The following KSR2 variants were observed in gnomAD, a reference collection of about 807,000 sequenced individuals.
KSR2 encodes kinase suppressor of ras 2.
A neutral mutation model predicts 107.8 loss-of-function variants in KSR2; 25 were observed. That is an observed-to-expected ratio of 0.23 (90% CI 0.17 to 0.32). The LOEUF is 0.32. KSR2 is among the 10% of genes least tolerant of loss of function. The pLI, the probability that KSR2 is intolerant of heterozygous loss-of-function variation, is 1.00. For synonymous variants in KSR2, 480 were observed against 507.0 expected, an observed-to-expected ratio of 0.95 and a Z score of 0.71; for missense variants, 887 against 1,268.9, an observed-to-expected ratio of 0.70 and a Z score of 4.57.
chr12:117,525,206 T>C lies in KSR2; in HGVS notation c.1865A>G (p.His622Arg), dbSNP rs1323589523. The change falls in exon 14 of 20, where the codon CAT (histidine) becomes CGT (arginine). Residue 622 changes from histidine to arginine, a missense_variant. Physicochemically the swap from His to Arg is conservative, Grantham distance 29 (BLOSUM62 0). Coordinates refer to ENST00000339824, the MANE Select transcript of KSR2 (RefSeq NM_173598.6). ...VEPTSENEEV[H>R]DEAEESEDDF... ...ATCCTCTGACTCTTCGGCCTCATCA[T>C]GGACCTCTTCATTCTGTGGCCGGAG... The C allele has an allele frequency of 4.4e-6, 7 of 1,602,996 alleles. No individual in the cohort carries two copies. The highest frequency in any genetic ancestry group is 2.7e-5 in the African/African-American group (2 of 74,778).
At chr12:117,471,845 T>C (rs1871477085) in intron 17 of KSR2, among the ~76,000 whole-genome samples, 1 of 152,160 alleles carries the variant, frequency 6.6e-6, no homozygotes, top group Non-Finnish European at 1.5e-5. Flanking sequence ...GATATGAGAC[T>C]GTATGTAGGA....
At chr12:117,745,875 G>T (rs1344460801) in intron 4 of KSR2, among the ~76,000 whole-genome samples, 1 of 151,986 alleles carries the variant, frequency 6.6e-6, no homozygotes, top group Non-Finnish European at 1.5e-5. Context: ...AACTTACAAG[G>T]GATGTGAAGG....
intron 14 of KSR2, among the ~76,000 whole-genome samples, chr12:117,490,925 C>T (rs1041783634): frequency 1.2e-4 from 19 of 152,202 alleles, no homozygotes; most frequent in Non-Finnish European, 2.5e-4. Context: ...TTTTTGTGTG[C>T]GGTGAGAACA....
At chr12:117,928,031 T>C (rs919380077) in intron 1 of KSR2, among the ~76,000 whole-genome samples, 1 of 152,106 alleles carries the variant, frequency 6.6e-6, no homozygotes, top group African/African-American at 2.4e-5. Context: ...CCGTTCTACT[T>C]TCTGTCTCTG....
Position 117,860,339 on chromosome 12 carries a change from C to G in KSR2, c.273G>C (p.Gln91His). Reference protein sequence around the residue: ...ERNAELDGFPQLRHWFRIVDV... With the variant: ...ERNAELDGFPHLRHWFRIVDV... ...CGACGATTCGGAACCAGTGCCGTAG[C>G]TGGGGGAAGCCGTCCAGCTCCGCGT... Residue 91 changes from glutamine to histidine, a missense_variant, in exon 2 of 20, where the codon CAG (glutamine) becomes CAC (histidine). By Grantham distance (24) the Gln-to-His change is conservative (BLOSUM62 0). Transcript: ENST00000339824. 2 of 1,613,874 alleles carry G rather than the reference C, an allele frequency of 1.2e-6. No homozygotes were observed. Among genetic ancestry groups the G allele is most frequent in the Non-Finnish European group, 1.7e-6 (2 of 1,179,820 alleles).
intron 3 of KSR2, among the ~76,000 whole-genome samples, chr12:117,826,794 A>T (rs1351701687): frequency 6.6e-6 from 1 of 152,048 alleles, no homozygotes; most frequent in Non-Finnish European, 1.5e-5. Context: ...TTGTTTCAAC[A>T]TCATGGACAG....
intron 4 of KSR2, among the ~76,000 whole-genome samples, chr12:117,724,366 A>AATAAGT (rs1307431966): frequency 6.6e-6 from 1 of 152,098 alleles, no homozygotes; most frequent in Non-Finnish European, 1.5e-5. Context: ...TATACCTAAA[A>AATAAGT]ATAAGTAGCA....
chr12:117,580,839 G>A (rs1427741668), intron 6 of KSR2, among the ~76,000 whole-genome samples: 1 of 151,940 alleles, frequency 6.6e-6, no homozygotes, highest in South Asian at 2.1e-4. Flanking sequence ...AGCTGAGCCA[G>A]AGGAGTGGCT....
rs752171470 is a variant in KSR2 at position 117,480,022 on chromosome 12, A to ATGTGTGTGTG, written c.2451-3428_2451-3427insCACACACACA. Among the ~76,000 whole-genome samples, 168 of 142,190 alleles carry ATGTGTGTGTG rather than the reference A, an allele frequency of 1.2e-3. 1 individual carries two copies. Among genetic ancestry groups the ATGTGTGTGTG allele is most frequent in the Admixed American group, 6.1e-3 (91 of 14,904 alleles). The allele number at this position is 142,190 out of a possible 152,430, so 93.3% of individuals were successfully genotyped here. A position where few individuals can be genotyped will look rare whatever the true frequency, so the allele number is the denominator to read the frequency against. On this transcript the variant is annotated intron_variant, in intron 16 of 19. Transcript: ENST00000339824. Reference sequence around the variant, plus strand: ...CAATTACTGGACATAATCATTACACATGTGTATGTGTGTGTGTGTGTGTGT... The same window carrying ATGTGTGTGTG: ...CAATTACTGGACATAATCATTACACATGTGTGTGTGTGTGTATGTGTGTGTGTGTGTGTGT...
intron 3 of KSR2, among the ~76,000 whole-genome samples, chr12:117,764,514 T>C (rs1889155718): frequency 6.6e-6 from 1 of 152,044 alleles, no homozygotes; most frequent in South Asian, 2.1e-4. Flanking sequence ...AGGCTGTCTG[T>C]GAAAGAGAAC....
At chr12:117,611,445 GAC>G (rs6144887) in intron 5 of KSR2, among the ~76,000 whole-genome samples, 2 of 144,472 alleles carry the variant, frequency 1.4e-5, no homozygotes, top group Non-Finnish European at 3.0e-5. Flanking sequence ...TGCACGCACA[GAC>G]ACACACACAC....
At chr12:117,608,369 C>T (rs1881407444) in intron 5 of KSR2, among the ~76,000 whole-genome samples, 2 of 152,138 alleles carry the variant, frequency 1.3e-5, no homozygotes, top group South Asian at 4.1e-4. Context: ...TGTACAAAAC[C>T]ACAGATGATT....
At chr12:117,798,353 C>G (rs780860673) in intron 3 of KSR2, among the ~76,000 whole-genome samples, 1 of 152,222 alleles carries the variant, frequency 6.6e-6, no homozygotes, top group Admixed American at 6.5e-5. Context: ...ACAGAGGAAG[C>G]TGGGTGTGGT....
At chr12:117,765,235 G>A (rs1283611742) in intron 3 of KSR2, among the ~76,000 whole-genome samples, 1 of 152,196 alleles carries the variant, frequency 6.6e-6, no homozygotes, top group African/African-American at 2.4e-5. Flanking sequence ...AGTAAAGCCT[G>A]TTTAAGAAAG....
At chr12:117,576,679 T>C (rs1879304175) in intron 7 of KSR2, among the ~76,000 whole-genome samples, 1 of 151,192 alleles carries the variant, frequency 6.6e-6, no homozygotes, top group Admixed American at 6.6e-5. Context: ...TACCTTAATT[T>C]ATTTTGTAGA....
chr12:117,558,579 A>G lies in KSR2; in HGVS notation c.1326-6T>C. On this transcript the variant is annotated splice_region_variant and splice_polypyrimidine_tract_variant and intron_variant, in intron 7 of 19. Transcript: ENST00000339824. ...ATTTGTTGTGGCACTTTAACCTGAGAAAGATAAAGAGAGAGAAAGATGGAT... is the reference window on the plus strand; with the variant it reads ...ATTTGTTGTGGCACTTTAACCTGAGGAAGATAAAGAGAGAGAAAGATGGAT... The G allele has an allele frequency of 1.2e-6, 2 of 1,612,542 alleles. No homozygotes were observed. The highest frequency in any genetic ancestry group is 8.5e-7 in the Non-Finnish European group (1 of 1,178,632).
intron 4 of KSR2, among the ~76,000 whole-genome samples, chr12:117,700,347 C>T (rs1013652629): frequency 2.6e-5 from 4 of 152,148 alleles, no homozygotes; most frequent in African/African-American, 9.7e-5. Context: ...AGCCCACAGA[C>T]TCAACCACCT....
chr12:117,968,315 GAGTAGA>G lies in KSR2; in HGVS notation c.-66_-61del. On this transcript the variant is annotated 5_prime_UTR_variant, in exon 1 of 20. Transcript: ENST00000339824. ...TCCCAGAGAGAAAAAAGAGGGGGGG[GAGTAGA>G]GGTAGTCTACCCTCCGCCTCTCCAA... 1 of 1,453,112 alleles carries G rather than the reference GAGTAGA, an allele frequency of 6.9e-7. No individual in the cohort carries two copies. The highest frequency in any genetic ancestry group is 1.4e-5 in the South Asian group (1 of 69,008). 90.0% of individuals were successfully genotyped at this position (1,453,112 alleles called of 1,614,324 possible). A position where few individuals can be genotyped will look rare whatever the true frequency, so the allele number is the denominator to read the frequency against.
intron 4 of KSR2, among the ~76,000 whole-genome samples, chr12:117,711,847 A>AC (rs746041763): frequency 2.6e-5 from 4 of 152,136 alleles, no homozygotes; most frequent in Admixed American, 6.5e-5. Context: ...AGCCCCAGGG[A>AC]CCCCTCTGTG....
Sources: allele counts gnomAD v4.1 joint callset (sites outside exome capture counted in the v4.1 genomes callset), GRCh38; gene constraint gnomAD v4.1.1; transcripts MANE v1.5; gene names NCBI Gene and HGNC (gene_info 2026-07-23, HGNC 2026-07-21).